The following MAP6 variants were observed in gnomAD, a reference collection of about 807,000 sequenced individuals.
MAP6 encodes the protein microtubule-associated protein 6.
MAP6 carries 26 observed loss-of-function variants against 42.4 expected under a neutral mutation model. The observed-to-expected ratio is 0.61, with a 90% CI of 0.45 to 0.85. The LOEUF (loss-of-function observed/expected upper bound fraction) is 0.85, where lower values mean the gene tolerates loss of function less well. Ranked by LOEUF, MAP6 falls within the 40% of genes least tolerant of loss-of-function variation. MAP6 has a pLI of 0.00. For missense variants in MAP6, 966 were observed against 1,099.0 expected (o/e 0.88, Z 1.71); for synonymous variants, 418 against 443.8 (o/e 0.94, Z 0.73).
At position 75,587,742 on chromosome 11, in the gene MAP6, T is replaced by C; in HGVS notation, c.1759A>G (p.Met587Val). The C allele has an allele frequency of 6.2e-7, 1 of 1,609,178 alleles. No homozygotes were observed. Among genetic ancestry groups the C allele is most frequent in the South Asian group, 1.1e-5 (1 of 90,768 alleles). ...TGATCCTTGACAGATGCTGAGACCA[T>C]GGGACCTTCATCCTTGACAGGTGCT... The part of the protein sequence containing the change: ...VPAPVKDEGP[M>V]VSASVKDQGP... Residue 587 changes from methionine (M) to valine (V), a missense_variant, in exon 4 of 4, where the codon ATG becomes GTG. Physicochemically the swap from Met to Val is conservative, Grantham distance 21. This residue lies in a region of MAP6 where 943 missense variants were observed against 1,049.9 expected (regional missense o/e 0.90). Coordinates refer to ENST00000304771, the MANE Select transcript of MAP6 (RefSeq NM_033063.2).
chr11:75,594,727 A>G (rs1003987342), intron 3 of MAP6: 1 of 151,968 alleles, frequency 6.6e-6, no homozygotes, highest in Non-Finnish European at 1.5e-5. Flanking sequence ...TTTCTCTTTT[A>G]TCCATTCACT....
At chr11:75,630,844 C>T (rs1943273861) in intron 1 of MAP6, among the ~76,000 whole-genome samples, 1 of 152,156 alleles carries the variant, frequency 6.6e-6, no homozygotes, top group Admixed American at 6.5e-5. Flanking sequence ...GGACTTATTA[C>T]CTTTTAAGAA....
At chr11:75,604,167 A>G (rs1942716574) in intron 3 of MAP6, 2 of 985,784 alleles carry the variant, frequency 2.0e-6, no homozygotes, top group Admixed American at 1.2e-4. Context: ...GGGCCTGATC[A>G]ACAACTTCGT....
At chr11:75,623,565 T>C (rs1943146472) in intron 1 of MAP6, among the ~76,000 whole-genome samples, 1 of 152,176 alleles carries the variant, frequency 6.6e-6, no homozygotes, top group Non-Finnish European at 1.5e-5. Context: ...GTGATCTTTG[T>C]TATTTGTTTC....
intron 1 of MAP6, among the ~76,000 whole-genome samples, chr11:75,644,118 A>G (rs1410242261): frequency 6.6e-6 from 1 of 152,138 alleles, no homozygotes; most frequent in East Asian, 1.9e-4. Flanking sequence ...CATTGGTTCC[A>G]GGGCCCCTCT....
chr11:75,646,357 G>A (rs1943552438), intron 1 of MAP6, among the ~76,000 whole-genome samples: 1 of 152,144 alleles, frequency 6.6e-6, no homozygotes, highest in Middle Eastern at 3.2e-3. Context: ...GCAGAAAAGA[G>A]TGGGATTCAA....
At chr11:75,627,587 C>G (rs535955226) in intron 1 of MAP6, among the ~76,000 whole-genome samples, 9 of 152,282 alleles carry the variant, frequency 5.9e-5, no homozygotes, top group African/African-American at 2.2e-4. Flanking sequence ...TGCTTTCAGA[C>G]TAATGATGGT....
chr11:75,659,813 G>A (rs1042008363), intron 1 of MAP6, among the ~76,000 whole-genome samples: 5 of 152,112 alleles, frequency 3.3e-5, no homozygotes, highest in African/African-American at 1.2e-4. Flanking sequence ...TTATATTTGG[G>A]ACATTGAATG....
chr11:75,645,713 C>T (rs1375510167), intron 1 of MAP6, among the ~76,000 whole-genome samples: 3 of 151,998 alleles, frequency 2.0e-5, no homozygotes, highest in African/African-American at 7.3e-5. Flanking sequence ...AACAATAGGA[C>T]ATGATGAAGA....
intron 1 of MAP6, among the ~76,000 whole-genome samples, chr11:75,612,088 C>T (rs994671679): frequency 2.6e-5 from 4 of 152,270 alleles, no homozygotes; most frequent in African/African-American, 7.2e-5. Context: ...CTAGATGGCA[C>T]CTAAGCTCCT....
rs1267020915 is a variant in MAP6, at chr11:75,648,709, A to G, written c.905+18756T>C. Among the ~76,000 whole-genome samples, 8 of 152,226 alleles carry G rather than the reference A, an allele frequency of 5.3e-5. No individual in the cohort carries two copies. The East Asian group carries it at 1.3e-3, about 26-fold the overall frequency. ...GTAAAAGACAAACCACAGAAAAAAG[A>G]TTAGTAATCAGAATCAATGCAGGCA... On this transcript the variant is annotated intron_variant, in intron 1 of 3. Coordinates refer to ENST00000304771, the MANE Select transcript of MAP6 (RefSeq NM_033063.2).
chr11:75,653,881 A>G (rs950934865), intron 1 of MAP6, among the ~76,000 whole-genome samples: 1 of 152,228 alleles, frequency 6.6e-6, no homozygotes. Flanking sequence ...TCAACCCACC[A>G]GGGACAATGA....
At position 75,668,524 on chromosome 11, in the gene MAP6, G is replaced by T. The variant is rs1944006302; in HGVS notation, c.-155C>A. On this transcript the variant is annotated 5_prime_UTR_variant, in exon 1 of 4. Coordinates refer to ENST00000304771, the MANE Select transcript of MAP6 (RefSeq NM_033063.2). ...AGCTAGTTCGCCCTCCTCCCTCAGC[G>T]AGCACCCGGGGAGAGCTGTCCTAGG... The T allele has an allele frequency of 1.8e-6, 2 of 1,117,406 alleles. No individual in the cohort carries two copies. The highest frequency in any genetic ancestry group is 2.4e-6 in the Non-Finnish European group (2 of 850,932). 69.2% of individuals were successfully genotyped at this position (1,117,406 alleles called of 1,614,324 possible).
chr11:75,656,601 C>A (rs1353103350), intron 1 of MAP6, among the ~76,000 whole-genome samples: 1 of 152,112 alleles, frequency 6.6e-6, no homozygotes, highest in Non-Finnish European at 1.5e-5. Context: ...CCCTCACATA[C>A]CAGAGATATC....
rs141088628 is a variant in MAP6 at position 75,622,576 on chromosome 11, C to T, written c.906-14254G>A. The stretch of plus-strand genomic sequence containing the variant: ...CTCTCTAGAAATTGATCTATAAATT[C>T]GAAGCAACTAATATCAAAATCCCAG... On this transcript the variant is annotated intron_variant, in intron 1 of 3. Coordinates refer to ENST00000304771, the MANE Select transcript of MAP6 (RefSeq NM_033063.2). Among the ~76,000 whole-genome samples the T allele has an allele frequency of 4.1e-4, 62 of 152,264 alleles. 1 individual carries two copies. The East Asian group carries it at 0.011, about 28-fold the overall frequency.
rs922533304 is a variant in MAP6, at chr11:75,604,635, A to G, written c.1316+1173T>C. On this transcript the variant is annotated intron_variant, in intron 3 of 3. Transcript: ENST00000304771. ...CAACAACTCCCTGACTAATTCCTAC[A>G]ACACAACTCTAGCACAGCGAAGGTG... 3.0e-6 allele frequency: 3 copies of G among 985,200 alleles called. No individual in the cohort carries two copies. The African/African-American group carries it at 5.2e-5, about 17-fold the overall frequency. The allele number at this position is 985,200 out of a possible 1,614,324, so 61.0% of individuals were successfully genotyped here. A position where few individuals can be genotyped will look rare whatever the true frequency, so the allele number is the denominator to read the frequency against.
At chr11:75,638,094 T>C (rs1454808911) in intron 1 of MAP6, among the ~76,000 whole-genome samples, 1 of 152,142 alleles carries the variant, frequency 6.6e-6, no homozygotes, top group Non-Finnish European at 1.5e-5. Flanking sequence ...AATAAAGAGT[T>C]TCATTGCCTT....
chr11:75,622,605 G>C (rs1590779487), intron 1 of MAP6, among the ~76,000 whole-genome samples: 1 of 152,146 alleles, frequency 6.6e-6, no homozygotes, highest in East Asian at 1.9e-4. Flanking sequence ...ATCCCAGCAG[G>C]ACTCTTTGTA....
rs187207662 is a variant in MAP6 at position 75,603,159 on chromosome 11, G to A, written c.1316+2649C>T. ...GGGAGCACAGACAGGACAGATTGCT[G>A]AGGGAAGCCAATGCGCAGCTCTTGG... On this transcript the variant is annotated intron_variant, in intron 3 of 3. Transcript: ENST00000304771. 7.9e-5 allele frequency: 78 copies of A among 985,536 alleles called. No homozygotes were observed. The African/African-American group carries it at 1.4e-3, about 17-fold the overall frequency. 61.0% of individuals were successfully genotyped at this position (985,536 alleles called of 1,614,324 possible).
Sources: gnomAD v4.1 joint callset for allele counts (sites outside exome capture counted in the v4.1 genomes callset) on GRCh38, gnomAD v4.1.1 for gene constraint, gnomAD v4.1.1 regional missense constraint, MANE v1.5 for transcripts, NCBI Gene and HGNC (gene_info 2026-07-23, HGNC 2026-07-21) for gene names.